The following NUAK1 variants were observed in gnomAD, a reference collection of about 807,000 sequenced individuals.
The protein encoded by NUAK1 is NUAK family kinase 1.
NUAK1 carries 26 observed loss-of-function variants against 56.9 expected under a neutral mutation model. That is an observed-to-expected ratio of 0.46 (90% CI 0.33 to 0.63). NUAK1 has a LOEUF of 0.63. NUAK1 is among the 30% of genes least tolerant of loss of function. The pLI is 0.02. For synonymous variants in NUAK1, 337 were observed against 336.0 expected (o/e 1.00, Z -0.03); for missense variants, 727 against 876.1 (o/e 0.83, Z 2.15).
intron 1 of NUAK1, among the ~76,000 whole-genome samples, chr12:106,125,863 A>T (rs1392810101): frequency 6.6e-6 from 1 of 152,050 alleles, no homozygotes; most frequent in Admixed American, 6.6e-5. Context: ...CCAGGCAAAC[A>T]CGTTCACGGC....
chr12:106,083,948 G>C lies in NUAK1; in HGVS notation c.514-19C>G, dbSNP rs2032546425. The C allele has an allele frequency of 6.2e-7, 1 of 1,610,618 alleles. No homozygotes were observed. ...CACCGTTCTGAAATGAGAAGACAAAGAGGGAATTGAATGGGAGCGGCTGGG... is the reference window on the plus strand; with the variant it reads ...CACCGTTCTGAAATGAGAAGACAAACAGGGAATTGAATGGGAGCGGCTGGG... On this transcript the variant is annotated intron_variant, in intron 3 of 6. Transcript: ENST00000261402.
Position 106,067,654 on chromosome 12 carries a change from A to G in NUAK1, c.1134T>C (p.Ala378=). 6.2e-7 allele frequency: 1 copy of G among 1,614,224 alleles called. No individual in the cohort carries two copies. The highest frequency in any genetic ancestry group is 1.3e-5 in the African/African-American group (1 of 75,060). ...CAGGCACTGCATCCTGACCAGACTGAGCAAAGTCATTCTCTTTCTTGGATT... is the reference window on the plus strand; with the variant it reads ...CAGGCACTGCATCCTGACCAGACTGGGCAAAGTCATTCTCTTTCTTGGATT... The part of the protein sequence containing the change: ...LKKSKKENDF[A]QSGQDAVPES... The change falls in exon 7 of 7, where the codon GCT becomes GCC. Residue 378 remains alanine, a synonymous_variant. Transcript: ENST00000261402. This position sits in a 1 kb window ranked among gnomAD's most constrained non-coding sequence, Gnocchi z 6.0.
chr12:106,093,873 A>C (rs574139663), intron 2 of NUAK1, among the ~76,000 whole-genome samples: 2 of 152,266 alleles, frequency 1.3e-5, no homozygotes, highest in African/African-American at 4.8e-5. Flanking sequence ...ATCTCAGCTC[A>C]CTGCAACCTC....
At chr12:106,094,500 C>A (rs1368031270) in intron 2 of NUAK1, among the ~76,000 whole-genome samples, 1 of 152,230 alleles carries the variant, frequency 6.6e-6, no homozygotes, top group African/African-American at 2.4e-5. Context: ...CACAGCTTCA[C>A]TAAATCGTCC....
intron 5 of NUAK1, among the ~76,000 whole-genome samples, chr12:106,071,742 G>T (rs776624146): frequency 6.6e-6 from 1 of 152,072 alleles, no homozygotes; most frequent in African/African-American, 2.4e-5. Flanking sequence ...GAGAAATTTC[G>T]TGTCGAGTTT....
intron 4 of NUAK1, among the ~76,000 whole-genome samples, chr12:106,079,360 C>T (rs938333047): frequency 3.3e-5 from 5 of 152,134 alleles, no homozygotes; most frequent in Admixed American, 2.6e-4. Flanking sequence ...CAATTCAATC[C>T]CTCTTCCTCC....
At chr12:106,086,630 A>G (rs993156291) in intron 3 of NUAK1, 104 bp downstream of exon 3, 29 of 1,117,540 alleles carry the variant, frequency 2.6e-5, no homozygotes, top group Middle Eastern at 3.2e-4. Flanking sequence ...TAAATTCTCC[A>G]TACATGCTCC....
intron 2 of NUAK1, chr12:106,105,972 CA>C (rs1303340917): frequency 6.5e-6 from 1 of 154,054 alleles, no homozygotes; most frequent in Non-Finnish European, 1.4e-5. Context: ...TGGACCTGCT[CA>C]GGGTTAATTT....
chr12:106,133,543 G>A (rs1275318495), intron 1 of NUAK1, among the ~76,000 whole-genome samples: 1 of 152,162 alleles, frequency 6.6e-6, no homozygotes, highest in Non-Finnish European at 1.5e-5. Flanking sequence ...CCCTTGGCAA[G>A]TTACCTAACC....
chr12:106,073,753 G>C (rs922511533), intron 4 of NUAK1, among the ~76,000 whole-genome samples: 2 of 151,942 alleles, frequency 1.3e-5, no homozygotes, highest in Non-Finnish European at 2.9e-5. Context: ...GAGAGGCGGA[G>C]ATTGCAGTGA....
rs377356382 is a variant in NUAK1, at chr12:106,086,768, C to T, written c.479G>A (p.Arg160Gln). Residue 160 changes from arginine to glutamine, a missense_variant, in exon 3 of 7, where the codon CGG becomes CAG. Coordinates refer to ENST00000261402, the MANE Select transcript of NUAK1 (RefSeq NM_014840.3). ...LSERETRHFF[R>Q]QIVSAVHYCH... ...ATAGTGCACAGCAGAGACGATCTGC[C>T]GGAAGAAGTGCCGGGTCTCCCTCTC... The T allele has an allele frequency of 6.2e-6, 10 of 1,614,084 alleles. No individual in the cohort carries two copies. Among genetic ancestry groups the T allele is most frequent in the South Asian group, 3.3e-5 (3 of 91,074 alleles).
At chr12:106,101,896 G>C (rs1011479615) in intron 2 of NUAK1, among the ~76,000 whole-genome samples, 2 of 152,124 alleles carry the variant, frequency 1.3e-5, no homozygotes, top group Non-Finnish European at 2.9e-5. Context: ...GGTCCTGCTG[G>C]GCAGGAAAGC....
At chr12:106,074,732 T>C (rs1272179212) in intron 4 of NUAK1, among the ~76,000 whole-genome samples, 1 of 152,052 alleles carries the variant, frequency 6.6e-6, no homozygotes, top group Non-Finnish European at 1.5e-5. Context: ...CGAGGCTCTG[T>C]GGTGGTCACA....
At position 106,086,824 on chromosome 12, in the gene NUAK1, G is replaced by A. The variant is rs761189438; in HGVS notation, c.423C>T (p.Tyr141=). 1.7e-5 allele frequency: 27 copies of A among 1,614,022 alleles called. No homozygotes were observed. The highest frequency in any genetic ancestry group is 8.0e-5 in the African/African-American group (6 of 74,912). The change falls in exon 3 of 7, where the codon TAC becomes TAT. Residue 141 remains tyrosine, a synonymous_variant. Coordinates refer to ENST00000261402, the MANE Select transcript of NUAK1 (RefSeq NM_014840.3). ...IMEYASKGEL[Y]DYISERRRLS... ...GGCGTCGCCGCTCACTGATGTAATC[G>A]TACAGCTCCCCTTTGCTGGCATATT...
intron 1 of NUAK1, among the ~76,000 whole-genome samples, chr12:106,132,436 C>T (rs961912867): frequency 6.6e-6 from 1 of 152,196 alleles, no homozygotes; most frequent in Admixed American, 6.5e-5. Flanking sequence ...GGATTCAAGA[C>T]ACACAGGACA....
intron 1 of NUAK1, among the ~76,000 whole-genome samples, chr12:106,134,670 T>G (rs1179938425): frequency 1.3e-5 from 2 of 152,214 alleles, no homozygotes; most frequent in Non-Finnish European, 2.9e-5. Context: ...TTGGGATTTT[T>G]GGCAACGCTT....
intron 2 of NUAK1, among the ~76,000 whole-genome samples, chr12:106,101,387 A>AAGTACTTC (rs2032746192): frequency 6.6e-6 from 1 of 152,202 alleles, no homozygotes; most frequent in African/African-American, 2.4e-5. Flanking sequence ...CCCTAACACC[A>AAGTACTTC]AGTACTTCAG....
chr12:106,115,853 T>C (rs1055988325), intron 1 of NUAK1, among the ~76,000 whole-genome samples: 2 of 152,176 alleles, frequency 1.3e-5, no homozygotes, highest in African/African-American at 4.8e-5. Context: ...TGTGGTCATC[T>C]TGGAGACCCT....
intron 1 of NUAK1, among the ~76,000 whole-genome samples, chr12:106,111,091 C>A (rs564386858): frequency 1.1e-4 from 16 of 152,062 alleles, no homozygotes; most frequent in African/African-American, 3.9e-4. Flanking sequence ...TCAGGCAAGC[C>A]CAAACTTCCC....
Sources: allele counts gnomAD v4.1 joint callset (sites outside exome capture counted in the v4.1 genomes callset), GRCh38; gene constraint gnomAD v4.1.1; non-coding constraint Gnocchi (gnomAD v3.1); transcripts MANE v1.5; gene names NCBI Gene and HGNC (gene_info 2026-07-23, HGNC 2026-07-21).